Variants in NTM observed in about 807,000 individuals in gnomAD.
NTM encodes the protein neurotrimin.
A neutral mutation model predicts 42.1 loss-of-function variants in NTM; 13 were observed. The ratio of observed to expected loss-of-function variants is 0.31; its 90% CI spans 0.20 to 0.49. The LOEUF is 0.49. NTM is among the 20% of genes least tolerant of loss of function. NTM has a pLI of 0.99. For missense variants in NTM, 373 were observed against 452.8 expected, an observed-to-expected ratio of 0.82 and a Z score of 1.60; for synonymous variants, 187 against 179.2, an observed-to-expected ratio of 1.04 and a Z score of -0.35.
At chr11:131,447,882 G>A (rs1409529812) in intron 1 of NTM, among the ~76,000 whole-genome samples, 2 of 152,142 alleles carry the variant, frequency 1.3e-5, no homozygotes, top group Non-Finnish European at 2.9e-5. Flanking sequence ...TCCCGTTTGG[G>A]GCAGGTCTGG....
rs141184097 is a variant in NTM at position 131,747,573 on chromosome 11, G to A, written c.83-163991G>A. Among the ~76,000 whole-genome samples the A allele has an allele frequency of 6.0e-4, 92 of 152,274 alleles. 2 individuals carry two copies. The East Asian group carries it at 0.016, about 27-fold the overall frequency. On this transcript the variant is annotated intron_variant, in intron 1 of 8. Transcript: ENST00000683400. The stretch of plus-strand genomic sequence containing the variant: ...ATCTTCCACATCTGAGATGAGTGGT[G>A]TAAATAAAATGCAAAATAAACCATG...
At chr11:131,638,207 G>A (rs549463312) in intron 1 of NTM, among the ~76,000 whole-genome samples, 1 of 152,112 alleles carries the variant, frequency 6.6e-6, no homozygotes, top group Admixed American at 6.5e-5. Context: ...ATATAAGAGA[G>A]GGCAGTCTAT....
chr11:132,309,590 CTG>C (rs1231362300), intron 5 of NTM, among the ~76,000 whole-genome samples: 3 of 152,160 alleles, frequency 2.0e-5, no homozygotes, highest in Admixed American at 6.5e-5. Flanking sequence ...CATTTCAACT[CTG>C]TACAGAGGAG....
At chr11:132,318,191 G>A (rs1465290602) in intron 7 of NTM, among the ~76,000 whole-genome samples, 2 of 152,160 alleles carry the variant, frequency 1.3e-5, no homozygotes, top group African/African-American at 2.4e-5. Context: ...GTGATTTCTA[G>A]GGGTGCTACT....
chr11:131,448,770 G>A lies in NTM; in HGVS notation c.82+77882G>A, dbSNP rs546337984. ...GTCTAGGGCTGATGCTGCCTGTGGC[G>A]GCCCCAACCAACAGGCCAGTGATGT... On this transcript the variant is annotated intron_variant, in intron 1 of 8. Coordinates refer to ENST00000683400, the MANE Select transcript of NTM (RefSeq NM_001352005.2). Among the ~76,000 whole-genome samples the A allele has an allele frequency of 5.9e-5, 9 of 152,304 alleles. 1 individual carries two copies. The highest frequency in any genetic ancestry group is 1.9e-4 in the East Asian group (1 of 5,164).
At chr11:131,525,334 G>A (rs573849407) in intron 1 of NTM, among the ~76,000 whole-genome samples, 1 of 152,190 alleles carries the variant, frequency 6.6e-6, no homozygotes, top group Admixed American at 6.5e-5. Context: ...ATCGCATCCT[G>A]TACATTGGAA....
intron 1 of NTM, among the ~76,000 whole-genome samples, chr11:131,373,468 C>T (rs1941498325): frequency 6.6e-6 from 1 of 152,064 alleles, no homozygotes; most frequent in African/African-American, 2.4e-5. Flanking sequence ...AACCAAGATC[C>T]AGCTTAGGTA....
chr11:131,679,102 G>A (rs1158191137), intron 1 of NTM, among the ~76,000 whole-genome samples: 2 of 152,120 alleles, frequency 1.3e-5, no homozygotes, highest in Non-Finnish European at 2.9e-5. Flanking sequence ...ACTCAGGGCT[G>A]GAATCCCCTC....
At chr11:131,875,597 G>A (rs2048417942) in intron 1 of NTM, among the ~76,000 whole-genome samples, 2 of 152,236 alleles carry the variant, frequency 1.3e-5, no homozygotes, top group Admixed American at 6.5e-5. Context: ...GACGCCTTTT[G>A]TAGCATTGTG....
At chr11:131,435,619 T>C (rs1256201321) in intron 1 of NTM, among the ~76,000 whole-genome samples, 2 of 152,212 alleles carry the variant, frequency 1.3e-5, no homozygotes, top group Non-Finnish European at 2.9e-5. Flanking sequence ...ATGCTTGTGA[T>C]TTTTGCACAT....
chr11:132,104,717 G>A (rs2062076696), intron 2 of NTM, among the ~76,000 whole-genome samples: 1 of 150,656 alleles, frequency 6.6e-6, no homozygotes, highest in Non-Finnish European at 1.5e-5. Context: ...GCAACATAGT[G>A]GGACCCCATT....
At chr11:132,195,245 TA>T (rs2079993195) in intron 3 of NTM, among the ~76,000 whole-genome samples, 1 of 151,576 alleles carries the variant, frequency 6.6e-6, no homozygotes, top group Admixed American at 6.6e-5. Flanking sequence ...ACCAAGAAGG[TA>T]AAAAATCTAT....
chr11:132,104,116 A>G (rs909801063), intron 2 of NTM, among the ~76,000 whole-genome samples: 1 of 151,592 alleles, frequency 6.6e-6, no homozygotes, highest in Non-Finnish European at 1.5e-5. Context: ...GCAAGGCACA[A>G]CTCCTGGCAC....
chr11:131,773,584 T>C (rs377003778), intron 1 of NTM, among the ~76,000 whole-genome samples: 15 of 152,348 alleles, frequency 9.8e-5, no homozygotes, highest in Non-Finnish European at 2.1e-4. Flanking sequence ...TAGTCTCATA[T>C]TGATGCATTT....
intron 1 of NTM, among the ~76,000 whole-genome samples, chr11:131,773,787 T>C (rs1200045993): frequency 2.6e-5 from 4 of 152,192 alleles, no homozygotes; most frequent in Admixed American, 1.3e-4. Context: ...CCAGGAGTGG[T>C]TAGTAACCTG....
chr11:131,653,238 T>C (rs1348774444), intron 1 of NTM, among the ~76,000 whole-genome samples: 1 of 149,084 alleles, frequency 6.7e-6, no homozygotes, highest in Non-Finnish European at 1.5e-5. Flanking sequence ...TTTTTTTTTC[T>C]TCCTTTGTTC....
intron 1 of NTM, among the ~76,000 whole-genome samples, chr11:131,617,251 C>T (rs1224557154): frequency 6.6e-6 from 1 of 152,126 alleles, no homozygotes; most frequent in African/African-American, 2.4e-5. Context: ...TCTAGGGTGA[C>T]GTGGCTACAG....
At chr11:131,449,357 G>A (rs139689772) in intron 1 of NTM, among the ~76,000 whole-genome samples, 132 of 152,268 alleles carry the variant, frequency 8.7e-4, no homozygotes, top group African/African-American at 3.1e-3. Context: ...CTTACATTCC[G>A]AATTTCTAGG....
At chr11:131,633,967 A>G (rs1190331879) in intron 1 of NTM, among the ~76,000 whole-genome samples, 1 of 152,112 alleles carries the variant, frequency 6.6e-6, no homozygotes, top group Non-Finnish European at 1.5e-5. Context: ...ATATTAGGGC[A>G]GAGAGAGAAA....
Sources: gnomAD v4.1 joint callset for allele counts (sites outside exome capture counted in the v4.1 genomes callset) on GRCh38, gnomAD v4.1.1 for gene constraint, MANE v1.5 for transcripts, NCBI Gene and HGNC (gene_info 2026-07-23, HGNC 2026-07-21) for gene names.